PPP2R5C: variants seen among roughly 807,000 people sequenced by gnomAD.
PPP2R5C encodes serine/threonine-protein phosphatase 2A 56 kDa regulatory subunit gamma isoform.
Under a neutral mutation model 68.9 loss-of-function variants are expected in PPP2R5C, and 7 were observed. The observed-to-expected ratio is 0.10, with a 90% CI of 0.06 to 0.19. The LOEUF (loss-of-function observed/expected upper bound fraction) is 0.19. Among genes scored for constraint, PPP2R5C ranks in the 10% least tolerant of loss-of-function variants. The probability of loss-of-function intolerance (pLI) is 1.00; values close to 1 mark genes in which losing one functional copy is unlikely to be tolerated. For synonymous variants in PPP2R5C, 210 were observed against 222.2 expected (o/e 0.95, Z 0.49); for missense variants, 348 against 641.3 (o/e 0.54, Z 4.94).
chr14:101,803,936 G>A (rs1005386383), intron 3 of PPP2R5C, among the ~76,000 whole-genome samples: 6 of 152,122 alleles, frequency 3.9e-5, no homozygotes, highest in African/African-American at 1.4e-4. Flanking sequence ...GTGAAGAGAC[G>A]ACCCACAGAA....
chr14:101,817,550 T>C (rs1432985949), intron 1 of PPP2R5C, among the ~76,000 whole-genome samples: 1 of 152,186 alleles, frequency 6.6e-6, no homozygotes, highest in Admixed American at 6.5e-5. Flanking sequence ...GCATTTTTAT[T>C]GGTCTTTTGG....
chr14:101,763,421 C>T (rs1001634653), intron 2 of PPP2R5C, among the ~76,000 whole-genome samples: 1 of 151,548 alleles, frequency 6.6e-6, no homozygotes, highest in Non-Finnish European at 1.5e-5. Flanking sequence ...CTCACTCTGT[C>T]ACCCAGGCTG....
chr14:101,798,653 T>C (rs1023477222), intron 3 of PPP2R5C, among the ~76,000 whole-genome samples: 5 of 152,258 alleles, frequency 3.3e-5, no homozygotes, highest in Non-Finnish European at 7.3e-5. Flanking sequence ...ATTGTAGTTA[T>C]AGCATTTGAT....
chr14:101,912,466 A>G lies in PPP2R5C; in HGVS notation c.1319A>G (p.Asn440Ser), dbSNP rs150692984. Residue 440 changes from asparagine to serine, a missense_variant, in exon 12 of 14, where the codon AAT (asparagine) becomes AGT (serine). Physicochemically the swap from Asn to Ser is conservative, Grantham distance 46. Coordinates refer to ENST00000334743, the Ensembl canonical transcript of PPP2R5C. ...AAAATAGAAAATCTAGCCAAAGCCAATCCCCAGGTACTAAAAAAGAGAATA... is the reference window on the plus strand; with the variant it reads ...AAAATAGAAAATCTAGCCAAAGCCAGTCCCCAGGTACTAAAAAAGAGAATA... The G allele has an allele frequency of 1.7e-4, 275 of 1,601,858 alleles. No homozygotes were observed. The highest frequency in any genetic ancestry group is 2.3e-4 in the Non-Finnish European group (271 of 1,177,082).
intron 2 of PPP2R5C, among the ~76,000 whole-genome samples, chr14:101,783,261 TC>T (rs1327613388): frequency 1.2e-5 from 1 of 83,886 alleles, no homozygotes; most frequent in Non-Finnish European, 2.3e-5. Flanking sequence ...TCTCTCCTTC[TC>T]CCCCTCTCTG....
chr14:101,783,680 C>T (rs570161533), intron 2 of PPP2R5C, among the ~76,000 whole-genome samples: 1 of 152,346 alleles, frequency 6.6e-6, no homozygotes, highest in South Asian at 2.1e-4. Context: ...GCCCCCTAGG[C>T]TGGGCCACCT....
intron 2 of PPP2R5C, among the ~76,000 whole-genome samples, chr14:101,770,978 C>T (rs894115357): frequency 6.6e-6 from 1 of 152,254 alleles, no homozygotes; most frequent in Admixed American, 6.5e-5. Flanking sequence ...AAGGGCAGGG[C>T]ACAGCGGTGT....
In PPP2R5C at chr14:101,890,022, T is replaced by C. The variant is rs551219693; in HGVS notation, c.630-215T>C. 6.5e-5 allele frequency: 43 copies of C among 660,024 alleles called. 1 individual carries two copies. The Middle Eastern group carries it at 9.7e-4, about 15-fold the overall frequency. 40.9% of individuals were successfully genotyped at this position (660,024 alleles called of 1,614,324 possible). ...CAAAATAAAATATTGAGAAAAAAAT[T>C]CGTGCAAGACCAAGTTCTCTGCCCT... On this transcript the variant is annotated intron_variant, in intron 5 of 13. Transcript: ENST00000334743.
rs71116851 is a variant in PPP2R5C at position 101,821,452 on chromosome 14, G to GGTGTGTGT, written c.94+11441_94+11448dup. On this transcript the variant is annotated intron_variant, in intron 1 of 13. Coordinates refer to ENST00000334743, the Ensembl canonical transcript of PPP2R5C. Reference sequence around the variant, plus strand: ...TCTCCCTGTGGGGGGTGGGTGGGTGGGTGTGTGTGTGTGTGTGTGTGTGTG... The same window carrying GGTGTGTGT: ...TCTCCCTGTGGGGGGTGGGTGGGTGGGTGTGTGTGTGTGTGTGTGTGTGTGTGTGTGTG... Among the ~76,000 whole-genome samples the GGTGTGTGT allele has an allele frequency of 5.8e-3, 701 of 120,602 alleles. 2 individuals carry two copies. Among genetic ancestry groups the GGTGTGTGT allele is most frequent in the South Asian group, 0.015 (50 of 3,230 alleles). 79.1% of individuals were successfully genotyped at this position (120,602 alleles called of 152,430 possible).
chr14:101,911,044 A>C (rs2046355972), intron 11 of PPP2R5C, among the ~76,000 whole-genome samples: 1 of 151,502 alleles, frequency 6.6e-6, no homozygotes, highest in Admixed American at 6.6e-5. Context: ...CGGAGCTTGC[A>C]GTGAGCTGAG....
intron 1 of PPP2R5C, among the ~76,000 whole-genome samples, 197 bp downstream of exon 1, chr14:101,762,117 G>A (rs1318261268): frequency 4.0e-5 from 6 of 151,378 alleles, no homozygotes; most frequent in African/African-American, 9.7e-5. Flanking sequence ...CGGGGAGCCC[G>A]GGGATCGCGC....
chr14:101,862,902 C>G (rs1196491482), intron 2 of PPP2R5C, among the ~76,000 whole-genome samples: 5 of 149,614 alleles, frequency 3.3e-5, no homozygotes, highest in African/African-American at 1.2e-4. Flanking sequence ...TCACTGCAGA[C>G]TCAAACTCCT....
intron 1 of PPP2R5C, 73 bp from the exon 2 acceptor site, chr14:101,762,832 T>G: frequency 8.1e-7 from 1 of 1,238,196 alleles, no homozygotes. Flanking sequence ...CTTTTAAAAC[T>G]GCATTTGGCT....
intron 1 of PPP2R5C, among the ~76,000 whole-genome samples, chr14:101,830,672 T>C (rs1168375043): frequency 6.6e-6 from 1 of 152,176 alleles, no homozygotes; most frequent in South Asian, 2.1e-4. Context: ...AATATAAACA[T>C]GTCATTCCAT....
exon 14 of PPP2R5C, chr14:101,927,439 TGTATAGAGAC>T (rs1384571638): frequency 6.6e-6 from 1 of 152,670 alleles, no homozygotes; most frequent in Non-Finnish European, 1.5e-5. Context: ...TACATATCAT[TGTATAGAGAC>T]TGTTTATTCT....
intron 1 of PPP2R5C, among the ~76,000 whole-genome samples, chr14:101,852,429 T>C (rs1236520165): frequency 3.9e-5 from 6 of 152,088 alleles, no homozygotes; most frequent in Non-Finnish European, 8.8e-5. Context: ...TTTTAAAGAA[T>C]AGCACATTCT....
At chr14:101,818,657 A>G (rs1288762325) in intron 1 of PPP2R5C, 5 of 197,900 alleles carry the variant, frequency 2.5e-5, no homozygotes, top group Non-Finnish European at 2.1e-5. Flanking sequence ...AAAGTGAGCA[A>G]TATCTGTGGT....
At chr14:101,878,833 G>A (rs948406305) in intron 2 of PPP2R5C, among the ~76,000 whole-genome samples, 1 of 152,210 alleles carries the variant, frequency 6.6e-6, no homozygotes, top group African/African-American at 2.4e-5. Context: ...TGCCTTCACA[G>A]GAACACCCAC....
rs964307682 is a variant in PPP2R5C, at chr14:101,915,624, G to C, written c.1327-2207G>C. Among the ~76,000 whole-genome samples the C allele has an allele frequency of 6.6e-6, 1 of 152,210 alleles. No homozygotes were observed. The highest frequency in any genetic ancestry group is 1.5e-5 in the Non-Finnish European group (1 of 68,046). Reference sequence around the variant, plus strand: ...GAAACAGTCCCCGCAAGTCTCAGGAGTCTTGCAGCCACTTAGGTTTCTGTA... The same window carrying C: ...GAAACAGTCCCCGCAAGTCTCAGGACTCTTGCAGCCACTTAGGTTTCTGTA... On this transcript the variant is annotated intron_variant, in intron 12 of 13. Coordinates refer to ENST00000334743, the Ensembl canonical transcript of PPP2R5C. This position sits in a 1 kb window ranked among gnomAD's most constrained non-coding sequence, Gnocchi z 4.2.
Sources: gnomAD v4.1 joint callset for allele counts (sites outside exome capture counted in the v4.1 genomes callset) on GRCh38, gnomAD v4.1.1 for gene constraint, Gnocchi (gnomAD v3.1) non-coding constraint, MANE v1.5 for transcripts, NCBI Gene and HGNC (gene_info 2026-07-23, HGNC 2026-07-21) for gene names.